NXN: variants seen among roughly 807,000 people sequenced by gnomAD.
NXN encodes nucleoredoxin.
Under a neutral mutation model 48.6 loss-of-function variants are expected in NXN, and 16 were observed. The ratio of observed to expected loss-of-function variants is 0.33; its 90% CI spans 0.22 to 0.50. The LOEUF (loss-of-function observed/expected upper bound fraction) is 0.50. Ranked by LOEUF, NXN falls within the 20% of genes least tolerant of loss-of-function variation. The pLI, the probability that NXN is intolerant of heterozygous loss-of-function variation, is 0.98. For synonymous variants in NXN, 281 were observed against 269.6 expected (o/e 1.04, Z -0.41); for missense variants, 492 against 605.5 (o/e 0.81, Z 1.97).
chr17:972,924 G>A (rs954765021), intron 1 of NXN, among the ~76,000 whole-genome samples: 7 of 152,056 alleles, frequency 4.6e-5, no homozygotes, highest in African/African-American at 1.4e-4. Flanking sequence ...CCAGCTACTC[G>A]GGAGGCTGAG....
At chr17:812,148 C>G (rs11247560) in intron 5 of NXN, among the ~76,000 whole-genome samples, 1 of 150,004 alleles carries the variant, frequency 6.7e-6, no homozygotes, top group African/African-American at 2.5e-5. Context: ...AGGACGGTCT[C>G]GATCTCCTGA....
intron 5 of NXN, among the ~76,000 whole-genome samples, chr17:809,563 T>C (rs528976730): frequency 6.6e-6 from 1 of 152,218 alleles, no homozygotes; most frequent in South Asian, 2.1e-4. Flanking sequence ...CAGCCTTCTC[T>C]GCATCTGGAT....
chr17:818,010 G>A (rs1398111772), intron 5 of NXN, among the ~76,000 whole-genome samples: 4 of 152,276 alleles, frequency 2.6e-5, no homozygotes, highest in African/African-American at 4.8e-5. Context: ...TGTCATCCCA[G>A]CACTTTGGGA....
chr17:979,229 G>T, intron 1 of NXN, 90 bp downstream of exon 1: 1 of 946,620 alleles, frequency 1.1e-6, no homozygotes, highest in South Asian at 1.9e-5. Flanking sequence ...CAACGGGGTT[G>T]GCGGAGGGCA....
chr17:851,628 G>A (rs1274983650), intron 1 of NXN, among the ~76,000 whole-genome samples: 3 of 152,210 alleles, frequency 2.0e-5, no homozygotes, highest in Admixed American at 6.5e-5. Context: ...CCAGCACCCA[G>A]TTTCCAAGCT....
At chr17:803,913 C>A in intron 6 of NXN, 107 bp from the exon 7 acceptor site, 1 of 1,458,890 alleles carries the variant, frequency 6.9e-7, no homozygotes, top group Non-Finnish European at 9.4e-7. Flanking sequence ...CCCGCCTGAG[C>A]GGCCCCTGAA....
chr17:926,996 G>A lies in NXN; in HGVS notation c.360+52323C>T, dbSNP rs150359630. 2.8e-3 allele frequency among the ~76,000 whole-genome samples: 420 copies of A among 152,052 alleles called. 4 individuals carry two copies. Among genetic ancestry groups the A allele is most frequent in the Non-Finnish European group, 5.0e-3 (343 of 67,986 alleles). ...CAGTGATCCAATGGGAGGCTGGAAG[G>A]AGTATAGAAAAGGGAGGTAAGAGAA... On this transcript the variant is annotated intron_variant, in intron 1 of 7. Coordinates refer to ENST00000336868, the MANE Select transcript of NXN (RefSeq NM_022463.5).
intron 1 of NXN, among the ~76,000 whole-genome samples, chr17:842,894 G>A (rs947441756): frequency 3.3e-5 from 5 of 151,882 alleles, no homozygotes; most frequent in East Asian, 2.0e-4. Flanking sequence ...AGCCGAGATC[G>A]CGCCATTGCA....
chr17:844,505 T>C (rs200645002), intron 1 of NXN, among the ~76,000 whole-genome samples: 1 of 152,232 alleles, frequency 6.6e-6, no homozygotes, highest in African/African-American at 2.4e-5. Flanking sequence ...GGCGATCGCA[T>C]GTGAAGGCCA....
intron 1 of NXN, among the ~76,000 whole-genome samples, chr17:850,508 C>T (rs559252931): frequency 1.3e-5 from 2 of 152,334 alleles, no homozygotes; most frequent in East Asian, 3.9e-4. Flanking sequence ...AACTCACAAA[C>T]TTGCCAAGAA....
intron 1 of NXN, chr17:863,777 G>T (rs569137978): frequency 1.1e-5 from 7 of 630,454 alleles, no homozygotes; most frequent in East Asian, 2.8e-5. Context: ...CTGTATTTTT[G>T]ATTCACATCT....
chr17:862,525 T>C (rs991058816), intron 1 of NXN, among the ~76,000 whole-genome samples: 4 of 152,118 alleles, frequency 2.6e-5, no homozygotes, highest in Admixed American at 1.3e-4. Context: ...CCCTGTCTCT[T>C]AAAACAAATA....
At chr17:869,648 C>G (rs997450718) in intron 1 of NXN, among the ~76,000 whole-genome samples, 2 of 152,226 alleles carry the variant, frequency 1.3e-5, no homozygotes, top group East Asian at 1.9e-4. Context: ...GAGCCCTCCC[C>G]ACTCGGGAAA....
At chr17:853,738 T>TTTTTTTTTTTTTTTTTTTTCC (rs1555614493) in intron 1 of NXN, among the ~76,000 whole-genome samples, 1 of 143,574 alleles carries the variant, frequency 7.0e-6, no homozygotes, top group African/African-American at 2.7e-5. Context: ...TTTTTTTTTT[T>TTTTTTTTTTTTTTTTTTTTCC]CCAAGACGGA....
At chr17:979,276 G>GCGTGGGGGGCGGGCAGGGGTAACGGA in intron 1 of NXN, 43 bp downstream of exon 1, 1 of 1,372,208 alleles carries the variant, frequency 7.3e-7, no homozygotes, top group Non-Finnish European at 9.5e-7. Context: ...GGGGTAACGG[G>GCGTGGGGGGCGGGCAGGGGTAACGGA]CGTGGGGGGC....
At chr17:947,732 C>CAA (rs1159185042) in intron 1 of NXN, among the ~76,000 whole-genome samples, 1,782 of 36,174 alleles carry the variant, frequency 0.049, 37 homozygotes, top group Non-Finnish European at 0.085. Flanking sequence ...GGCTCCCTCT[C>CAA]AAAAAAAAAA....
intron 1 of NXN, among the ~76,000 whole-genome samples, chr17:941,072 C>A (rs12950731): frequency 1.6e-3 from 174 of 107,570 alleles, no homozygotes; most frequent in Middle Eastern, 6.0e-3. Context: ...CCCTGGATTT[C>A]CAGCGAACAA....
At chr17:889,747 GAAAGAAAGAAAGAA>G (rs144188452) in intron 1 of NXN, among the ~76,000 whole-genome samples, 5,735 of 79,682 alleles carry the variant, frequency 0.072, 316 homozygotes, top group African/African-American at 0.17. Flanking sequence ...AAGAAAGAAA[GAAAGAAAGAAAGAA>G]AAAGAAAGAA....
chr17:841,898 A>G (rs1914346151), intron 1 of NXN, among the ~76,000 whole-genome samples: 1 of 152,132 alleles, frequency 6.6e-6, no homozygotes, highest in African/African-American at 2.4e-5. Flanking sequence ...GCACTTTGGG[A>G]GGCCGAGGTG....
Sources: allele counts gnomAD v4.1 joint callset (sites outside exome capture counted in the v4.1 genomes callset), GRCh38; gene constraint gnomAD v4.1.1; transcripts MANE v1.5; gene names NCBI Gene and HGNC (gene_info 2026-07-23, HGNC 2026-07-21).